TRIM33: variants seen among roughly 807,000 people sequenced by gnomAD.
The protein encoded by TRIM33 is tripartite motif containing 33.
Under a neutral mutation model 125.4 loss-of-function variants are expected in TRIM33, and 20 were observed. That is an observed-to-expected ratio of 0.16 (90% CI 0.11 to 0.23). The LOEUF (loss-of-function observed/expected upper bound fraction) is 0.23, where lower values mean the gene tolerates loss of function less well. TRIM33 is among the 10% of genes least tolerant of loss of function. The probability of loss-of-function intolerance (pLI) is 1.00; values close to 1 mark genes in which losing one functional copy is unlikely to be tolerated. For synonymous variants in TRIM33, 564 were observed against 513.9 expected, an observed-to-expected ratio of 1.10 and a Z score of -1.32; for missense variants, 920 against 1,411.4, an observed-to-expected ratio of 0.65 and a Z score of 5.58.
chr1:114,507,348 A>G (rs941492888), intron 1 of TRIM33, among the ~76,000 whole-genome samples: 8 of 152,224 alleles, frequency 5.3e-5, no homozygotes, highest in Admixed American at 5.2e-4. Flanking sequence ...TCCAGGAACC[A>G]CACTCTGAGA....
At chr1:114,474,253 T>C (rs1347689800) in intron 1 of TRIM33, among the ~76,000 whole-genome samples, 6 of 151,446 alleles carry the variant, frequency 4.0e-5, no homozygotes, top group Non-Finnish European at 8.8e-5. Context: ...AAAAAGTAAG[T>C]CAAATCATGG....
At chr1:114,450,232 C>G (rs539776715) in intron 4 of TRIM33, among the ~76,000 whole-genome samples, 136 of 152,294 alleles carry the variant, frequency 8.9e-4, no homozygotes, top group African/African-American at 3.2e-3. Context: ...GCACTCCAGC[C>G]TGGGCAACAA....
chr1:114,435,649 T>A lies in TRIM33; in HGVS notation c.924-1916A>T, dbSNP rs908572029. The stretch of plus-strand genomic sequence containing the variant: ...AGGACAGTAGGAGAGAAAATGTAGA[T>A]CAATATGGGAATTTCTGTTATAGAA... On this transcript the variant is annotated intron_variant, in intron 4 of 19. Coordinates refer to ENST00000358465, the MANE Select transcript of TRIM33 (RefSeq NM_015906.4). Among the ~76,000 whole-genome samples, 9 of 152,022 alleles carry A rather than the reference T, an allele frequency of 5.9e-5. No individual in the cohort carries two copies. The East Asian group carries it at 1.2e-3, about 20-fold the overall frequency.
chr1:114,430,965 T>A lies in TRIM33; in HGVS notation c.1041-53A>T, dbSNP rs1399463753. ...TATCAACTTATCCTAGGTCTCTGAATCATCAACTGTTACAGAAATTCATCC... is the reference window on the plus strand; with the variant it reads ...TATCAACTTATCCTAGGTCTCTGAAACATCAACTGTTACAGAAATTCATCC... On this transcript the variant is annotated intron_variant, in intron 5 of 19. Coordinates refer to ENST00000358465, the MANE Select transcript of TRIM33 (RefSeq NM_015906.4). 4 of 993,648 alleles carry A rather than the reference T, an allele frequency of 4.0e-6. No homozygotes were observed. In the East Asian group the frequency reaches 9.6e-5, roughly 24 times the overall value. The allele number at this position is 993,648 out of a possible 1,614,324, so 61.6% of individuals were successfully genotyped here.
intron 4 of TRIM33, among the ~76,000 whole-genome samples, chr1:114,439,500 A>T (rs1648520504): frequency 6.8e-6 from 1 of 146,430 alleles, no homozygotes; most frequent in Non-Finnish European, 1.5e-5. Flanking sequence ...AAAAAAATCT[A>T]ATCTCTGTTA....
rs1006603690 is a variant in TRIM33, at chr1:114,396,833, GAAAC to G, written c.*811_*814del. ...ATGTACAGAAAACTAGATTAATTTT[GAAAC>G]AAACATTCTGCCTTTCATGGGAATA... On this transcript the variant is annotated 3_prime_UTR_variant, in exon 20 of 20. Coordinates refer to ENST00000358465, the MANE Select transcript of TRIM33 (RefSeq NM_015906.4). The G allele has an allele frequency of 4.8e-6, 1 of 209,620 alleles. No homozygotes were observed. The highest frequency in any genetic ancestry group is 2.3e-5 in the African/African-American group (1 of 44,072). The allele number at this position is 209,620 out of a possible 1,614,324, so 13.0% of individuals were successfully genotyped here.
intron 4 of TRIM33, among the ~76,000 whole-genome samples, chr1:114,455,516 G>A (rs1384547333): frequency 6.6e-6 from 1 of 152,156 alleles, no homozygotes; most frequent in Non-Finnish European, 1.5e-5. Flanking sequence ...CCCTTTACAG[G>A]TCTTAACAGA....
Position 114,463,392 on chromosome 1 carries a change from T to C in TRIM33, c.790+20A>G, listed in dbSNP as rs1161455057. The C allele has an allele frequency of 6.2e-7, 1 of 1,606,832 alleles. No homozygotes were observed. On this transcript the variant is annotated intron_variant, in intron 3 of 19. Transcript: ENST00000358465. ...AGGTTAACTGTAATCATTGTAATGATTACAATGCATCTATCTTACCTGAGA... is the reference window on the plus strand; with the variant it reads ...AGGTTAACTGTAATCATTGTAATGACTACAATGCATCTATCTTACCTGAGA...
rs1282033665 is a variant in TRIM33 at position 114,395,055 on chromosome 1, T to C, written c.*2593A>G. On this transcript the variant is annotated 3_prime_UTR_variant, in exon 20 of 20. Coordinates refer to ENST00000358465, the MANE Select transcript of TRIM33 (RefSeq NM_015906.4). ...TTTGTCTTTTTAAAACATAAACTAA[T>C]AGGAAAACATATATCTAAATATCAA... The C allele has an allele frequency of 5.2e-6, 1 of 191,940 alleles. No individual in the cohort carries two copies. 11.9% of individuals were successfully genotyped at this position (191,940 alleles called of 1,614,324 possible).
chr1:114,403,769 G>A (rs1291802986), intron 15 of TRIM33, among the ~76,000 whole-genome samples: 10 of 152,030 alleles, frequency 6.6e-5, no homozygotes, highest in Admixed American at 6.6e-4. Context: ...CAGGTGATCT[G>A]CCTACCTTGG....
Position 114,424,659 on chromosome 1 carries a change from T to C in TRIM33, c.1792A>G (p.Arg598Gly). The C allele has an allele frequency of 6.2e-7, 1 of 1,611,850 alleles. No individual in the cohort carries two copies. The highest frequency in any genetic ancestry group is 8.5e-7 in the Non-Finnish European group (1 of 1,178,790). ...CTGTGCCTGGGTATCCCTGGTATTC[T>C]GGCAGCATTCTGAGCCAGTCTCATC... is the stretch of plus-strand genomic sequence containing the variant. The part of the protein sequence containing the change: ...HQMRLAQNAA[R>G]IPGIPRHSGP... The change falls in exon 10 of 20, where the codon AGA (arginine) becomes GGA (glycine). Residue 598 changes from arginine (R) to glycine (G), a missense_variant. By Grantham distance (125) the Arg-to-Gly change is moderately radical. Around this residue, in one of 8 missense-constraint regions of TRIM33, gnomAD observed 407 missense variants for 589.7 expected, o/e 0.69. Coordinates refer to ENST00000358465, the MANE Select transcript of TRIM33 (RefSeq NM_015906.4).
chr1:114,457,004 G>A (rs1255764728), intron 4 of TRIM33, among the ~76,000 whole-genome samples: 4 of 152,140 alleles, frequency 2.6e-5, no homozygotes, highest in African/African-American at 7.2e-5. Context: ...ATATACTGCT[G>A]TAGCCACCTA....
chr1:114,424,672 A>T lies in TRIM33; in HGVS notation c.1779T>A (p.Ala593=), dbSNP rs1361714718. The T allele has an allele frequency of 6.2e-7, 1 of 1,612,062 alleles. No individual in the cohort carries two copies. Among genetic ancestry groups the T allele is most frequent in the South Asian group, 1.1e-5 (1 of 90,820 alleles). The change falls in exon 10 of 20, where the codon GCT becomes GCA. Residue 593 remains alanine, a synonymous_variant. Transcript: ENST00000358465. ...TCCCTGGTATTCTGGCAGCATTCTG[A>T]GCCAGTCTCATCTGATGGGCTTGAA... ...GAFQAHQMRL[A]QNAARIPGIP...
chr1:114,504,966 G>T (rs1221962764), intron 1 of TRIM33, among the ~76,000 whole-genome samples: 1 of 152,110 alleles, frequency 6.6e-6, no homozygotes, highest in Non-Finnish European at 1.5e-5. Flanking sequence ...GGGGACAAAT[G>T]AAAAATTACC....
intron 2 of TRIM33, 64 bp downstream of exon 2, chr1:114,464,206 G>T: frequency 1.2e-6 from 1 of 839,682 alleles, no homozygotes; most frequent in Non-Finnish European, 1.9e-6. Flanking sequence ...ATCCAAACAT[G>T]TTTTTCTTAT....
At chr1:114,492,841 T>C (rs1429052577) in intron 1 of TRIM33, among the ~76,000 whole-genome samples, 1 of 152,224 alleles carries the variant, frequency 6.6e-6, no homozygotes, top group Non-Finnish European at 1.5e-5. Context: ...TTCCACCTTT[T>C]GGCTACTGTG....
intron 15 of TRIM33, 96 bp from the exon 16 acceptor site, chr1:114,402,979 A>G: frequency 8.0e-7 from 1 of 1,252,198 alleles, no homozygotes; most frequent in African/African-American, 1.5e-5. Flanking sequence ...TATTTTCTTA[A>G]TAATTTTTTG....
At position 114,424,734 on chromosome 1, in the gene TRIM33, G is replaced by A; in HGVS notation, c.1717C>T (p.Gln573Ter). 6.3e-7 allele frequency: 1 copy of A among 1,583,490 alleles called. No homozygotes were observed. The highest frequency in any genetic ancestry group is 8.6e-7 in the Non-Finnish European group (1 of 1,165,104). Reference sequence around the variant, plus strand: ...TTCATGTTGCCTCTTTGCATTGTTTGCACACTGATCAATCGAGGAGGCTAC... The same window carrying A: ...TTCATGTTGCCTCTTTGCATTGTTTACACACTGATCAATCGAGGAGGCTAC... Reference protein sequence around the residue: ...QQQPPRLISVQTMQRGNMNCG... With the variant: ...QQQPPRLISV Residue 573 changes from glutamine (Q) to a stop codon, truncating the protein, a stop_gained, in exon 10 of 20, where the codon CAA becomes TAA. Coordinates refer to ENST00000358465, the MANE Select transcript of TRIM33 (RefSeq NM_015906.4). LOFTEE classifies it high-confidence loss of function.
intron 4 of TRIM33, among the ~76,000 whole-genome samples, chr1:114,441,776 T>C (rs928089171): frequency 3.9e-5 from 6 of 152,226 alleles, no homozygotes; most frequent in African/African-American, 1.4e-4. Flanking sequence ...TCTGAATGTG[T>C]TTCTTCCTCA....
Sources: gnomAD v4.1 joint callset for allele counts (sites outside exome capture counted in the v4.1 genomes callset) on GRCh38, gnomAD v4.1.1 for gene constraint, gnomAD v4.1.1 regional missense constraint, MANE v1.5 for transcripts, NCBI Gene and HGNC (gene_info 2026-07-23, HGNC 2026-07-21) for gene names.